CRIM1: variants seen among roughly 807,000 people sequenced by gnomAD.
CRIM1 encodes the protein cysteine rich transmembrane BMP regulator 1.
In CRIM1, 32 loss-of-function variants were observed where a neutral mutation model predicts 116.4. The ratio of observed to expected loss-of-function variants is 0.27; its 90% CI spans 0.21 to 0.37. The LOEUF is 0.37. Among genes scored for constraint, CRIM1 ranks in the 10% least tolerant of loss-of-function variants. The pLI, the probability that CRIM1 is intolerant of heterozygous loss-of-function variation, is 1.00. For synonymous variants in CRIM1, 590 were observed against 509.2 expected, an observed-to-expected ratio of 1.16 and a Z score of -2.13; for missense variants, 1,331 against 1,354.8, an observed-to-expected ratio of 0.98 and a Z score of 0.28.
At position 36,396,717 on chromosome 2, in the gene CRIM1, T is replaced by C; in HGVS notation, c.435T>C (p.Ile145=). 1 of 1,613,892 alleles carries C rather than the reference T, an allele frequency of 6.2e-7. No individual in the cohort carries two copies. ...IINGKCECNT[I]RTCSNPFEFP... ...ATGGGAAATGTGAATGTAACACCAT[T>C]CGAACCTGCAGCAATCCCTTTGAGT... Residue 145 remains isoleucine (I), a synonymous_variant, in exon 2 of 17, where the codon ATT becomes ATC. Transcript: ENST00000280527.
chr2:36,369,018 T>G (rs981321612), intron 1 of CRIM1: 2 of 152,204 alleles, frequency 1.3e-5, no homozygotes, highest in African/African-American at 4.8e-5. Context: ...TGGGGTGGTG[T>G]TAATTTACTA....
Position 36,441,241 on chromosome 2 carries a change from C to G in CRIM1, c.506-17C>G, listed in dbSNP as rs1354756521. The G allele has an allele frequency of 1.4e-5, 22 of 1,614,076 alleles. No homozygotes were observed. The highest frequency in any genetic ancestry group is 1.9e-5 in the Non-Finnish European group (22 of 1,179,908). ...CACTGCCCTGGGCATAAGCTAAATT[C>G]TTTCTCTCCCTTTTAGAAGAGAAGC... On this transcript the variant is annotated splice_polypyrimidine_tract_variant and intron_variant, in intron 2 of 16. Transcript: ENST00000280527.
chr2:36,411,044 A>C (rs543103854), intron 2 of CRIM1, among the ~76,000 whole-genome samples: 8 of 152,272 alleles, frequency 5.3e-5, no homozygotes, highest in South Asian at 2.1e-4. Flanking sequence ...AAACTGCCTA[A>C]ATAAATATCT....
intron 1 of CRIM1, among the ~76,000 whole-genome samples, chr2:36,387,920 G>A (rs535389432): frequency 2.8e-5 from 4 of 144,146 alleles, no homozygotes; most frequent in African/African-American, 1.0e-4. Context: ...GACTTACTCT[G>A]TTGCTCTTTT....
intron 5 of CRIM1, among the ~76,000 whole-genome samples, chr2:36,469,145 T>G (rs1678287396): frequency 6.6e-6 from 1 of 152,108 alleles, no homozygotes; most frequent in Admixed American, 6.5e-5. Flanking sequence ...AAACAAGTCA[T>G]CAGCACAAAA....
At chr2:36,464,132 C>A (rs182484468) in intron 4 of CRIM1, among the ~76,000 whole-genome samples, 1 of 152,274 alleles carries the variant, frequency 6.6e-6, no homozygotes, top group East Asian at 1.9e-4. Flanking sequence ...GGCCATTTAG[C>A]ACGGGAACAC....
chr2:36,356,261 C>T lies in CRIM1; in HGVS notation c.-32C>T. On this transcript the variant is annotated 5_prime_UTR_variant, in exon 1 of 17. Transcript: ENST00000280527. This position sits in a 1 kb window ranked among gnomAD's most constrained non-coding sequence, Gnocchi z 4.3. ...GGCGCCCGCCCCGCTCCCGGCCCGG[C>T]TGCGAGGAGGAGGCGGCGGCGGCGC... The T allele has an allele frequency of 7.7e-7, 1 of 1,294,906 alleles. No individual in the cohort carries two copies. Among genetic ancestry groups the T allele is most frequent in the Admixed American group, 3.2e-5 (1 of 30,830 alleles). 80.2% of individuals were successfully genotyped at this position (1,294,906 alleles called of 1,614,324 possible). A position where few individuals can be genotyped will look rare whatever the true frequency, so the allele number is the denominator to read the frequency against.
intron 7 of CRIM1, among the ~76,000 whole-genome samples, chr2:36,498,600 C>A (rs1057515359): frequency 6.6e-6 from 1 of 152,198 alleles, no homozygotes; most frequent in East Asian, 1.9e-4. Context: ...GCTGCTCACT[C>A]TTTGTCCTGA....
chr2:36,395,415 A>G (rs1671949489), intron 1 of CRIM1, among the ~76,000 whole-genome samples: 1 of 152,230 alleles, frequency 6.6e-6, no homozygotes, highest in Non-Finnish European at 1.5e-5. Context: ...TATCAGAAAC[A>G]TGTTTACTAT....
Position 36,363,465 on chromosome 2 carries a change from G to A in CRIM1, c.331+6842G>A, listed in dbSNP as rs180967865. Among the ~76,000 whole-genome samples the A allele has an allele frequency of 1.5e-3, 228 of 149,716 alleles. 1 individual carries two copies. The highest frequency in any genetic ancestry group is 5.3e-3 in the African/African-American group (219 of 40,950). On this transcript the variant is annotated intron_variant, in intron 1 of 16. Coordinates refer to ENST00000280527, the MANE Select transcript of CRIM1 (RefSeq NM_016441.3). ...CATCTACCTCAGTCATTGATGGTAA[G>A]CAGTTAAGGAGGTTGGGCTCTTAGA...
At chr2:36,373,540 G>C (rs1304304762) in intron 1 of CRIM1, among the ~76,000 whole-genome samples, 4 of 152,168 alleles carry the variant, frequency 2.6e-5, no homozygotes, top group Non-Finnish European at 2.9e-5. Context: ...TGGCACTTGG[G>C]GAGAAAAGGT....
chr2:36,470,147 A>G (rs369050711), intron 5 of CRIM1, among the ~76,000 whole-genome samples: 10 of 152,360 alleles, frequency 6.6e-5, no homozygotes, highest in Admixed American at 5.9e-4. Flanking sequence ...AAAAACACAC[A>G]GAACTCAAGA....
At chr2:36,396,475 G>A (rs1054964664) in intron 1 of CRIM1, 139 bp from the exon 2 acceptor site, 6 of 542,724 alleles carry the variant, frequency 1.1e-5, no homozygotes, top group African/African-American at 1.9e-5. Flanking sequence ...CATTTGTAAA[G>A]TTTCAGCCAG....
At chr2:36,478,375 G>C (rs1021295751) in intron 6 of CRIM1, among the ~76,000 whole-genome samples, 1 of 152,196 alleles carries the variant, frequency 6.6e-6, no homozygotes, top group African/African-American at 2.4e-5. Context: ...AGTTGATGCT[G>C]TAAAAATGTA....
intron 1 of CRIM1, among the ~76,000 whole-genome samples, chr2:36,370,199 CTT>C (rs35408019): frequency 2.7e-4 from 34 of 127,578 alleles, no homozygotes; most frequent in Non-Finnish European, 3.2e-4. Flanking sequence ...GGGACAAAAG[CTT>C]TTTTTTTTTT....
At chr2:36,379,665 T>C (rs190789543) in intron 1 of CRIM1, among the ~76,000 whole-genome samples, 389 of 151,984 alleles carry the variant, frequency 2.6e-3, no homozygotes, top group Non-Finnish European at 4.6e-3. Flanking sequence ...TCTTAGTAAA[T>C]GAGTGTTCTG....
In CRIM1 at chr2:36,375,774, T is replaced by C. The variant is rs1670275030; in HGVS notation, c.331+19151T>C. Among the ~76,000 whole-genome samples the C allele has an allele frequency of 1.3e-5, 2 of 152,198 alleles. 1 individual carries two copies. Among genetic ancestry groups the C allele is most frequent in the South Asian group, 4.1e-4 (2 of 4,832 alleles). On this transcript the variant is annotated intron_variant, in intron 1 of 16. Coordinates refer to ENST00000280527, the MANE Select transcript of CRIM1 (RefSeq NM_016441.3). The stretch of plus-strand genomic sequence containing the variant: ...TACTTTTTGGACCAACATATTGACT[T>C]AAGGGAGCATACTTTGTACTAAAAA...
chr2:36,464,799 A>G (rs927309787), intron 5 of CRIM1, 144 bp downstream of exon 5: 3 of 908,782 alleles, frequency 3.3e-6, no homozygotes. Flanking sequence ...AGGTTTGCTT[A>G]AGATCCACAG....
At chr2:36,470,763 T>C (rs1678437305) in intron 5 of CRIM1, among the ~76,000 whole-genome samples, 1 of 152,256 alleles carries the variant, frequency 6.6e-6, no homozygotes, top group Admixed American at 6.5e-5. Context: ...CAAGGAGTCA[T>C]TTCAACTTTC....
Sources: gnomAD v4.1 joint callset for allele counts (sites outside exome capture counted in the v4.1 genomes callset) on GRCh38, gnomAD v4.1.1 for gene constraint, Gnocchi (gnomAD v3.1) non-coding constraint, MANE v1.5 for transcripts, NCBI Gene and HGNC (gene_info 2026-07-23, HGNC 2026-07-21) for gene names.